The following MXRA5 variants were observed in gnomAD, a reference collection of about 807,000 sequenced individuals.
MXRA5 encodes matrix remodeling associated 5, also known as matrix-remodeling-associated protein 5.
Under a neutral mutation model 112.5 loss-of-function variants are expected in MXRA5, and 41 were observed. The ratio of observed to expected loss-of-function variants is 0.36; its 90% CI spans 0.28 to 0.47. The LOEUF (loss-of-function observed/expected upper bound fraction) is 0.47, where lower values mean the gene tolerates loss of function less well. MXRA5 is among the 20% of genes least tolerant of loss of function. MXRA5 has a pLI of 0.99. For synonymous variants in MXRA5, 862 were observed against 900.8 expected (o/e 0.96, Z 0.77); for missense variants, 2,150 against 2,251.0 (o/e 0.96, Z 0.91).
intron 4 of MXRA5, among the ~76,000 whole-genome samples, chrX:3,328,556 T>A (rs1412308189): frequency 1.8e-5 from 2 of 110,198 alleles, no homozygotes; most frequent in African/African-American, 6.6e-5. Context: ...TTGTAGAGAG[T>A]GAATGGAAAA....
At chrX:3,345,538 C>T (rs1319776048) in intron 1 of MXRA5, among the ~76,000 whole-genome samples, 5 of 112,875 alleles carry the variant, frequency 4.4e-5, no homozygotes, top group Non-Finnish European at 9.4e-5. Flanking sequence ...AACTCCCTGT[C>T]CGGCCTCCCA....
At position 3,323,704 on chromosome X, in the gene MXRA5, G is replaced by A. The variant is rs1251560015; in HGVS notation, c.1981C>T (p.His661Tyr). Reference protein sequence around the residue: ...CVAVNQQGADHFTVGITVTKK... With the variant: ...CVAVNQQGADYFTVGITVTKK... ...GTCACTGTGATTCCCACCGTAAAATGGTCTGCCCCTTGCTGGTTGACAGCC... is the reference window on the plus strand; with the variant it reads ...GTCACTGTGATTCCCACCGTAAAATAGTCTGCCCCTTGCTGGTTGACAGCC... Residue 661 changes from histidine to tyrosine, a missense_variant, in exon 5 of 7, where the codon CAT becomes TAT. By Grantham distance (83) the His-to-Tyr change is moderately conservative (BLOSUM62 2). This residue lies in a region of MXRA5 where 1,485 missense variants were observed against 1,471.6 expected (regional missense o/e 1.01). Transcript: ENST00000217939. 8.3e-7 allele frequency: 1 copy of A among 1,210,480 alleles called. No homozygotes were observed. Among genetic ancestry groups the A allele is most frequent in the South Asian group, 1.8e-5 (1 of 56,805 alleles).
chrX:3,326,179 T>C (rs1428141749), intron 4 of MXRA5, among the ~76,000 whole-genome samples: 5 of 99,316 alleles, frequency 5.0e-5, no homozygotes, highest in Non-Finnish European at 7.8e-5. Flanking sequence ...TTATAATATA[T>C]AATTTATAAT....
chrX:3,336,061 C>T (rs1401768295), intron 2 of MXRA5, among the ~76,000 whole-genome samples: 20 of 112,222 alleles, frequency 1.8e-4, no homozygotes, highest in Admixed American at 2.8e-4. Flanking sequence ...GCATTACTGC[C>T]TGAGCTCCAC....
In MXRA5 at chrX:3,321,272, A is replaced by T. The variant is rs201965214; in HGVS notation, c.4413T>A (p.Ile1471=). The part of the protein sequence containing the change: ...DQDHLETTVA[I]LLSETRPQNH... ...TCTGTGGTCTAGTTTCAGAAAGGAG[A>T]ATAGCCACAGTGGTTTCAAGATGAT... The change falls in exon 5 of 7, where the codon ATT becomes ATA. Residue 1471 remains isoleucine, a synonymous_variant. Transcript: ENST00000217939. The T allele has an allele frequency of 2.5e-6, 3 of 1,209,523 alleles. No individual in the cohort carries two copies. Among genetic ancestry groups the T allele is most frequent in the African/African-American group, 3.5e-5 (2 of 57,014 alleles).
intron 5 of MXRA5, among the ~76,000 whole-genome samples, chrX:3,319,343 A>G (rs1168636794): frequency 8.9e-6 from 1 of 112,608 alleles, no homozygotes; most frequent in African/African-American, 3.2e-5. Flanking sequence ...TGGGTTTAAT[A>G]GAGAATTCTG....
chrX:3,315,411 A>G (rs1425934641), intron 6 of MXRA5, among the ~76,000 whole-genome samples: 8 of 100,396 alleles, frequency 8.0e-5, no homozygotes, highest in African/African-American at 2.2e-4. Context: ...ATAGATAGAT[A>G]GATAGATAGA....
chrX:3,310,174 T>C lies in MXRA5; in HGVS notation c.8029A>G (p.Met2677Val). Residue 2677 changes from methionine (M) to valine (V), a missense_variant, in exon 7 of 7, where the codon ATG becomes GTG. Met to Val is a conservative substitution (Grantham distance 21). Coordinates refer to ENST00000217939, the MANE Select transcript of MXRA5 (RefSeq NM_015419.4). Reference protein sequence around the residue: ...GRFSWTLPNGMHLEGPQTLGR... With the variant: ...GRFSWTLPNGVHLEGPQTLGR... ...AGGGTTTGGGGGCCCTCCAGATGCA[T>C]GCCATTGGGGAGCGTCCAGGAGAAA... The C allele has an allele frequency of 1.7e-6, 2 of 1,211,571 alleles. No homozygotes were observed. The highest frequency in any genetic ancestry group is 1.7e-5 in the African/African-American group (1 of 57,781).
rs1291656600 is a variant in MXRA5, at chrX:3,317,545, G to T, written c.6136C>A (p.Pro2046Thr). 46 of 1,208,512 alleles carry T rather than the reference G, an allele frequency of 3.8e-5. No homozygotes were observed. The highest frequency in any genetic ancestry group is 5.0e-5 in the Non-Finnish European group (45 of 894,287). The change falls in exon 6 of 7, where the codon CCC becomes ACC. Residue 2046 changes from proline (P) to threonine (T), a missense_variant. By Grantham distance (38) the Pro-to-Thr change is conservative (BLOSUM62 -1). Around this residue, in one of 6 missense-constraint regions of MXRA5, gnomAD observed 1,485 missense variants for 1,471.6 expected, o/e 1.01. Transcript: ENST00000217939. ...AGCTTCTCCTGGTGGATAACGGGGG[G>T]CAGTGCCGCCACGTGCAGGCGGATG... is the stretch of plus-strand genomic sequence containing the variant. The part of the protein sequence containing the change: ...LAIRLHVAAL[P>T]PVIHQEKLEN...
chrX:3,344,189 A>G (rs1922055930), intron 1 of MXRA5, among the ~76,000 whole-genome samples: 1 of 109,547 alleles, frequency 9.1e-6, no homozygotes, highest in Non-Finnish European at 1.9e-5. Context: ...AGAGAGAAGA[A>G]AGAGGTTTAT....
intron 2 of MXRA5, among the ~76,000 whole-genome samples, chrX:3,341,025 TAATGTATAA>T (rs1489366828): frequency 1.4e-4 from 10 of 73,301 alleles, no homozygotes; most frequent in African/African-American, 5.2e-4. Flanking sequence ...ATGATATATA[TAATGTATAA>T]TATATATTGT....
Position 3,321,225 on chromosome X carries a change from C to T in MXRA5, c.4460G>A (p.Arg1487Gln), listed in dbSNP as rs745491907. ...RPQNHTPTAA[R>Q]MKEPASSSPS... ...GGACGAGGATGCTGGCTCCTTCATC[C>T]GGGCAGCAGTAGGGGTGTGATTCTG... Residue 1487 changes from arginine (R) to glutamine (Q), a missense_variant, in exon 5 of 7, where the codon CGG becomes CAG. Coordinates refer to ENST00000217939, the MANE Select transcript of MXRA5 (RefSeq NM_015419.4). 41 of 1,209,507 alleles carry T rather than the reference C, an allele frequency of 3.4e-5. No individual in the cohort carries two copies. The highest frequency in any genetic ancestry group is 1.4e-4 in the South Asian group (8 of 56,748).
In MXRA5 at chrX:3,317,883, A is replaced by G. The variant is rs779487645; in HGVS notation, c.5798T>C (p.Leu1933Pro). The G allele has an allele frequency of 9.1e-6, 11 of 1,211,812 alleles. No homozygotes were observed. Among genetic ancestry groups the G allele is most frequent in the Middle Eastern group, 2.3e-4 (1 of 4,355 alleles). ...RGQYMCTASN[L>P]HGLDRMVVLL... ...GACCACCATCCTGTCCAGGCCGTGCAGGTTGCTGGCGGTGCACATATACTG... is the reference window on the plus strand; with the variant it reads ...GACCACCATCCTGTCCAGGCCGTGCGGGTTGCTGGCGGTGCACATATACTG... The change falls in exon 6 of 7, where the codon CTG becomes CCG. Residue 1933 changes from leucine (L) to proline (P), a missense_variant. Around this residue, in one of 6 missense-constraint regions of MXRA5, gnomAD observed 1,485 missense variants for 1,471.6 expected, o/e 1.01. Transcript: ENST00000217939.
Position 3,330,372 on chromosome X carries a change from T to G in MXRA5, c.355A>C (p.Thr119Pro). Residue 119 changes from threonine to proline, a missense_variant, in exon 4 of 7, where the codon ACA (threonine) becomes CCA (proline). Thr to Pro is a conservative substitution (Grantham distance 38). Around this residue, in one of 6 missense-constraint regions of MXRA5, gnomAD observed 386 missense variants for 411.0 expected, o/e 0.94. Transcript: ENST00000217939. ...GAGAGACCCTGGAGGGTCTGTCCTG[T>G]GATCACTCTCAGCTTGTTGTAGCTG... Reference protein sequence around the residue: ...KFSYNKLRVITGQTLQGLSNL... With the variant: ...KFSYNKLRVIPGQTLQGLSNL... The G allele has an allele frequency of 1.7e-6, 2 of 1,207,880 alleles. No homozygotes were observed. Among genetic ancestry groups the G allele is most frequent in the Middle Eastern group, 2.3e-4 (1 of 4,334 alleles).
intron 2 of MXRA5, among the ~76,000 whole-genome samples, chrX:3,331,262 C>T (rs1363835444): frequency 1.8e-5 from 2 of 111,370 alleles, no homozygotes; most frequent in Non-Finnish European, 3.8e-5. Flanking sequence ...TTTATCCCTT[C>T]GTGTCCCTAT....
chrX:3,319,184 G>A (rs1368501876), intron 5 of MXRA5, among the ~76,000 whole-genome samples: 1 of 112,375 alleles, frequency 8.9e-6, no homozygotes, highest in African/African-American at 3.2e-5. Flanking sequence ...CTTGAAAATT[G>A]TTGAGAGTAG....
Position 3,309,907 on chromosome X carries a change from T to G in MXRA5, c.8296A>C (p.Thr2766Pro). 1 of 1,211,563 alleles carries G rather than the reference T, an allele frequency of 8.3e-7. No homozygotes were observed. Residue 2766 changes from threonine to proline, a missense_variant, in exon 7 of 7, where the codon ACG becomes CCG. By Grantham distance (38) the Thr-to-Pro change is conservative. This residue lies in a region of MXRA5 where 178 missense variants were observed against 198.2 expected (regional missense o/e 0.90). Transcript: ENST00000217939. ...TGCGACTTATCCGGTAACTCCCACG[T>G]GATGTCAGCTTTGGGAATCCCCATA... ...MAMGIPKADITWELPDKSHLK... is the reference protein window; with the variant it reads ...MAMGIPKADIPWELPDKSHLK...
chrX:3,325,789 T>C (rs1396020119), intron 4 of MXRA5, among the ~76,000 whole-genome samples: 1 of 102,628 alleles, frequency 9.7e-6, no homozygotes, highest in Non-Finnish European at 2.0e-5. Context: ...TAACAATATA[T>C]AAATTTATAG....
chrX:3,309,931 T>C lies in MXRA5; in HGVS notation c.8272A>G (p.Met2758Val), dbSNP rs142673140. 7.6e-4 allele frequency: 917 copies of C among 1,209,310 alleles called. 4 individuals are homozygous for C. The African/African-American group carries it at 0.014, about 18-fold the overall frequency. The change falls in exon 7 of 7, where the codon ATG (methionine) becomes GTG (valine). Residue 2758 changes from methionine to valine, a missense_variant. Transcript: ENST00000217939. ...GNTVKLNCMA[M>V]GIPKADITWE... ...GTGATGTCAGCTTTGGGAATCCCCA[T>C]AGCCATGCAGTTCAGTTTCACGGTG... is the stretch of plus-strand genomic sequence containing the variant.
Sources: gnomAD v4.1 joint callset for allele counts (sites outside exome capture counted in the v4.1 genomes callset) on GRCh38, gnomAD v4.1.1 for gene constraint, gnomAD v4.1.1 regional missense constraint, MANE v1.5 for transcripts, NCBI Gene and HGNC (gene_info 2026-07-23, HGNC 2026-07-21) for gene names.